The following DOCK10 variants were observed in gnomAD, a reference collection of about 807,000 sequenced individuals.
DOCK10 encodes dedicator of cytokinesis 10.
In DOCK10, 145 loss-of-function variants were observed where a neutral mutation model predicts 280.1. The ratio of observed to expected loss-of-function variants is 0.52; its 90% confidence interval spans 0.45 to 0.59. The LOEUF (loss-of-function observed/expected upper bound fraction) is 0.59, where lower values mean the gene tolerates loss of function less well. Among genes scored for constraint, DOCK10 ranks in the 20% least tolerant of loss-of-function variants. The pLI is 0.00. For missense variants in DOCK10, 2,368 were observed against 2,651.7 expected (o/e 0.89, Z 2.35); for synonymous variants, 915 against 942.2 (o/e 0.97, Z 0.53).
chr2:224,918,521 GT>G (rs1701467935), intron 2 of DOCK10, among the ~76,000 whole-genome samples: 1 of 90,576 alleles, frequency 1.1e-5, no homozygotes, highest in Non-Finnish European at 2.8e-5. Flanking sequence ...TATGTGTAGT[GT>G]TAGAGTGTGT....
chr2:224,823,717 A>G, intron 27 of DOCK10, 70 bp from the exon 28 acceptor site: 1 of 1,390,826 alleles, frequency 7.2e-7, no homozygotes, highest in African/African-American at 1.5e-5. Context: ...GTATCAACTG[A>G]AATATTTACT....
intron 1 of DOCK10, among the ~76,000 whole-genome samples, chr2:224,999,481 GCCTCCCTCCCT>G (rs1706367875): frequency 7.2e-6 from 1 of 139,456 alleles, no homozygotes. Flanking sequence ...CTCCCTTCCT[GCCTCCCTCCCT>G]TCCTGCCTCC....
intron 4 of DOCK10, among the ~76,000 whole-genome samples, chr2:224,895,841 G>GTGTATATA (rs1553607593): frequency 2.2e-5 from 3 of 136,094 alleles, no homozygotes; most frequent in Admixed American, 2.1e-4. Flanking sequence ...GCGTGTGTGT[G>GTGTATATA]TATATATATA....
chr2:225,035,585 T>TAA (rs1325653810), intron 1 of DOCK10, among the ~76,000 whole-genome samples: 51 of 109,462 alleles, frequency 4.7e-4, no homozygotes, highest in South Asian at 3.0e-3. Context: ...TATATATATA[T>TAA]ATAACACTGA....
At chr2:224,839,165 G>A (rs985709571) in intron 24 of DOCK10, among the ~76,000 whole-genome samples, 8 of 151,376 alleles carry the variant, frequency 5.3e-5, no homozygotes, top group East Asian at 1.9e-4. Flanking sequence ...TGCAAGCTCC[G>A]CCTCCTGGGT....
At chr2:224,873,910 G>T in intron 11 of DOCK10, 86 bp downstream of exon 11, 2 of 1,382,676 alleles carry the variant, frequency 1.4e-6, no homozygotes, top group Non-Finnish European at 2.0e-6. Flanking sequence ...ATCAGTGCCT[G>T]GAATTAGCAG....
intron 1 of DOCK10, among the ~76,000 whole-genome samples, chr2:224,957,287 C>CCG (rs1553622540): frequency 7.0e-6 from 1 of 143,192 alleles, no homozygotes; most frequent in Non-Finnish European, 1.5e-5. Context: ...TACTTTCCGC[C>CCG]CCCCCCCGGC....
rs770548693 is a variant in DOCK10, at chr2:225,014,076, A to AATATATATATAT, written c.123+28175_123+28176insATATATATATAT. On this transcript the variant is annotated intron_variant, in intron 1 of 55. Transcript: ENST00000258390. ...TATTCAAAAAATCCCCAGAAGTCTG[A>AATATATATATAT]ATATATTGTTTTTTTTTTTTTGTTT... Among the ~76,000 whole-genome samples the AATATATATATAT allele has an allele frequency of 6.8e-5, 6 of 87,824 alleles. No homozygotes were observed. In the South Asian group the frequency reaches 2.0e-3, roughly 29 times the overall value. 57.6% of individuals were successfully genotyped at this position (87,824 alleles called of 152,430 possible).
At chr2:224,913,686 A>G (rs1290281526) in intron 3 of DOCK10, among the ~76,000 whole-genome samples, 1 of 152,030 alleles carries the variant, frequency 6.6e-6, no homozygotes, top group Admixed American at 6.6e-5. Flanking sequence ...CTACATTTTT[A>G]TAACCTTTGT....
At chr2:224,790,373 G>A (rs1270977750) in intron 47 of DOCK10, among the ~76,000 whole-genome samples, 2 of 152,192 alleles carry the variant, frequency 1.3e-5, no homozygotes, top group African/African-American at 4.8e-5. Flanking sequence ...ATAAACAGGA[G>A]GTGATAATAG....
intron 5 of DOCK10, 85 bp downstream of exon 5, chr2:224,886,374 C>A: frequency 6.7e-7 from 1 of 1,484,074 alleles, no homozygotes; most frequent in Non-Finnish European, 9.3e-7. Flanking sequence ...TTACAACAAA[C>A]CGGTCAGAAC....
At chr2:225,006,524 C>G (rs145272631) in intron 1 of DOCK10, among the ~76,000 whole-genome samples, 109 of 152,260 alleles carry the variant, frequency 7.2e-4, no homozygotes, top group Admixed American at 1.2e-3. Flanking sequence ...AATCAAAATC[C>G]TTCATTTTTC....
At chr2:224,975,160 A>T (rs1705359229) in intron 1 of DOCK10, among the ~76,000 whole-genome samples, 1 of 152,074 alleles carries the variant, frequency 6.6e-6, no homozygotes, top group African/African-American at 2.4e-5. Flanking sequence ...GCGTAATTGG[A>T]GTTTAGTAAG....
intron 18 of DOCK10, 137 bp from the exon 19 acceptor site, chr2:224,849,736 C>G: frequency 3.2e-6 from 2 of 625,400 alleles, no homozygotes; most frequent in Non-Finnish European, 5.7e-6. Flanking sequence ...AAGCTGGCAT[C>G]TAATTAACCT....
Position 224,961,398 on chromosome 2 carries a change from TTCTTTCTTTCTTTC to T in DOCK10, c.124-29744_124-29731del, listed in dbSNP as rs1298894087. 1.7e-3 allele frequency among the ~76,000 whole-genome samples: 185 copies of T among 111,852 alleles called. 2 individuals carry two copies. The highest frequency in any genetic ancestry group is 2.1e-3 in the African/African-American group (59 of 28,028). 73.4% of individuals were successfully genotyped at this position (111,852 alleles called of 152,430 possible). ...ATGCTTATTTTTGCATAGCAGCATT[TTCTTTCTTTCTTTC>T]TCTTTCTTTCTTTCTTTCTTTCTTT... On this transcript the variant is annotated intron_variant, in intron 1 of 55. Coordinates refer to ENST00000258390, the MANE Select transcript of DOCK10 (RefSeq NM_014689.3).
intron 1 of DOCK10, among the ~76,000 whole-genome samples, chr2:225,028,426 A>G (rs1303592611): frequency 6.6e-5 from 10 of 152,192 alleles, no homozygotes. Flanking sequence ...CCAAGTAAGC[A>G]TGAGACAAAT....
At chr2:224,931,447 T>C in intron 2 of DOCK10, 102 bp downstream of exon 2, 1 of 1,289,346 alleles carries the variant, frequency 7.8e-7, no homozygotes, top group South Asian at 1.6e-5. Context: ...AGATGTAGGG[T>C]GGCCACAGGG....
intron 7 of DOCK10, among the ~76,000 whole-genome samples, chr2:224,884,387 T>C (rs1438781811): frequency 6.6e-6 from 1 of 152,184 alleles, no homozygotes; most frequent in African/African-American, 2.4e-5. Flanking sequence ...CAGAAAGTAC[T>C]TCTCTACTGG....
chr2:224,804,176 G>A lies in DOCK10; in HGVS notation c.4204C>T (p.Gln1402Ter). Residue 1402 changes from glutamine to a stop codon, truncating the protein, a stop_gained, in exon 39 of 56, where the codon CAG (glutamine) becomes TAG (stop). Coordinates refer to ENST00000258390, the MANE Select transcript of DOCK10 (RefSeq NM_014689.3). LOFTEE classifies it high-confidence loss of function. ...GATCCTTTGAGAGTTCCATTGTTCT[G>A]GGTGGACTGCACAAATTTAAATGCA... is the stretch of plus-strand genomic sequence containing the variant. ...AAAFKFVQST[Q>*]NNGTLKGSNP... The A allele has an allele frequency of 6.2e-7, 1 of 1,611,862 alleles. No homozygotes were observed. Among genetic ancestry groups the A allele is most frequent in the Non-Finnish European group, 8.5e-7 (1 of 1,178,672 alleles).
Sources: allele counts gnomAD v4.1 joint callset (sites outside exome capture counted in the v4.1 genomes callset), GRCh38; gene constraint gnomAD v4.1.1; transcripts MANE v1.5; gene names NCBI Gene and HGNC (gene_info 2026-07-23, HGNC 2026-07-21).